PLCL1: variants seen among roughly 807,000 people sequenced by gnomAD.
The protein encoded by PLCL1 is inactive phospholipase C-like protein 1.
Under a neutral mutation model 84.4 loss-of-function variants are expected in PLCL1, and 41 were observed. That is an observed-to-expected ratio of 0.49 (90% CI 0.38 to 0.63). The LOEUF (loss-of-function observed/expected upper bound fraction) is 0.63. Ranked by LOEUF, PLCL1 falls within the 30% of genes least tolerant of loss-of-function variation. PLCL1 has a pLI of 0.00. For missense variants in PLCL1, 1,206 were observed against 1,367.8 expected (o/e 0.88, Z 1.87); for synonymous variants, 490 against 488.3 (o/e 1.00, Z -0.05).
At chr2:197,908,338 T>C (rs1445743512) in intron 1 of PLCL1, among the ~76,000 whole-genome samples, 2 of 152,240 alleles carry the variant, frequency 1.3e-5, no homozygotes, top group Non-Finnish European at 2.9e-5. Context: ...AACTTTCGCT[T>C]ACATATTTCT....
intron 1 of PLCL1, among the ~76,000 whole-genome samples, chr2:197,847,411 A>G (rs984152468): frequency 6.6e-6 from 1 of 152,162 alleles, no homozygotes; most frequent in Non-Finnish European, 1.5e-5. Flanking sequence ...TCTTTCATAC[A>G]ATAGATGTTT....
At chr2:197,811,277 T>C (rs1387524435) in intron 1 of PLCL1, among the ~76,000 whole-genome samples, 1 of 152,270 alleles carries the variant, frequency 6.6e-6, no homozygotes, top group Admixed American at 6.5e-5. Flanking sequence ...AAATGTATTG[T>C]GTATTTCAGC....
intron 1 of PLCL1, among the ~76,000 whole-genome samples, chr2:197,942,692 A>G (rs971590528): frequency 3.9e-5 from 6 of 152,206 alleles, no homozygotes; most frequent in African/African-American, 1.2e-4. Flanking sequence ...GTGCCCCAGT[A>G]AAGATTCTGG....
chr2:198,070,094 C>A (rs983145607), intron 1 of PLCL1, among the ~76,000 whole-genome samples: 4 of 152,030 alleles, frequency 2.6e-5, no homozygotes, highest in South Asian at 2.1e-4. Context: ...GCTTTTAAGG[C>A]TACATTCTAT....
chr2:197,876,305 G>C (rs927064976), intron 1 of PLCL1, among the ~76,000 whole-genome samples: 1 of 152,120 alleles, frequency 6.6e-6, no homozygotes, highest in East Asian at 1.9e-4. Context: ...GGCTGGTAAC[G>C]AGCTTCTTAG....
rs761160580 is a variant in PLCL1, at chr2:198,084,558, T to G, written c.1041T>G (p.His347Gln). 3 of 1,613,878 alleles carry G rather than the reference T, an allele frequency of 1.9e-6. No homozygotes were observed. The highest frequency in any genetic ancestry group is 2.5e-6 in the Non-Finnish European group (3 of 1,179,780). ...LFLEAEQGVT[H>Q]ITEDICLDII... ...TAGAAGCTGAGCAAGGAGTCACCCATATCACCGAGGATATATGCTTAGACA... is the reference window on the plus strand; with the variant it reads ...TAGAAGCTGAGCAAGGAGTCACCCAGATCACCGAGGATATATGCTTAGACA... Residue 347 changes from histidine (H) to glutamine (Q), a missense_variant, in exon 2 of 6, where the codon CAT becomes CAG. Coordinates refer to ENST00000428675, the MANE Select transcript of PLCL1 (RefSeq NM_006226.4).
intron 5 of PLCL1, among the ~76,000 whole-genome samples, chr2:198,127,742 G>A (rs1188506310): frequency 1.3e-5 from 2 of 152,122 alleles, no homozygotes; most frequent in African/African-American, 4.8e-5. Context: ...TGGAAGCAGA[G>A]GAATAAACCA....
At chr2:197,829,196 A>C (rs1366868428) in intron 1 of PLCL1, among the ~76,000 whole-genome samples, 1 of 152,184 alleles carries the variant, frequency 6.6e-6, no homozygotes, top group Non-Finnish European at 1.5e-5. Flanking sequence ...CCCTAGCTGT[A>C]TGTGATTGGG....
At chr2:198,127,014 GGGGT>G (rs1366119857) in intron 5 of PLCL1, among the ~76,000 whole-genome samples, 52 of 70,206 alleles carry the variant, frequency 7.4e-4, no homozygotes, top group African/African-American at 1.3e-3. Flanking sequence ...GTGTGTGTGG[GGGGT>G]GGTGTATTCT....
intron 1 of PLCL1, among the ~76,000 whole-genome samples, chr2:197,892,655 A>G (rs1688053130): frequency 6.6e-6 from 1 of 152,196 alleles, no homozygotes; most frequent in Admixed American, 6.5e-5. Flanking sequence ...TACCTTTCAC[A>G]TATCTAATGA....
intron 1 of PLCL1, among the ~76,000 whole-genome samples, chr2:198,010,618 T>C (rs900543051): frequency 6.6e-6 from 1 of 151,982 alleles, no homozygotes; most frequent in Non-Finnish European, 1.5e-5. Flanking sequence ...ACAGTTTTTT[T>C]TGTGTGTCTT....
At chr2:197,857,507 C>T (rs1687353265) in intron 1 of PLCL1, among the ~76,000 whole-genome samples, 1 of 152,156 alleles carries the variant, frequency 6.6e-6, no homozygotes, top group South Asian at 2.1e-4. Context: ...AAATAATCAG[C>T]TGATTGTATC....
intron 1 of PLCL1, among the ~76,000 whole-genome samples, chr2:197,939,423 G>T (rs761999738): frequency 1.3e-5 from 2 of 152,220 alleles, no homozygotes; most frequent in Non-Finnish European, 2.9e-5. Context: ...CACAGTCTGG[G>T]TGACTTAAAC....
At chr2:197,948,744 A>G (rs767842482) in intron 1 of PLCL1, among the ~76,000 whole-genome samples, 4 of 152,192 alleles carry the variant, frequency 2.6e-5, no homozygotes, top group Non-Finnish European at 4.4e-5. Flanking sequence ...TGTATAGGGA[A>G]CATCAAATAT....
rs760577848 is a variant in PLCL1 at position 197,983,200 on chromosome 2, C to CTTTTT, written c.241-100523_241-100519dup. On this transcript the variant is annotated intron_variant, in intron 1 of 5. Transcript: ENST00000428675. ...TTTCTTTTTCTTTTTCTTTTCTTTT[C>CTTTTT]TTTTTTTTTTTTTTTTTTTTTTTTT... is the stretch of plus-strand genomic sequence containing the variant. Among the ~76,000 whole-genome samples the CTTTTT allele has an allele frequency of 1.4e-3, 82 of 60,270 alleles. 6 individuals are homozygous for CTTTTT. The highest frequency in any genetic ancestry group is 2.1e-3 in the East Asian group (4 of 1,876). The allele number at this position is 60,270 out of a possible 152,430, so 39.5% of individuals were successfully genotyped here.
rs550895040 is a variant in PLCL1, at chr2:197,973,813, AG to A, written c.241-109944del. 2.6e-5 allele frequency among the ~76,000 whole-genome samples: 4 copies of A among 152,356 alleles called. No homozygotes were observed. In the East Asian group the frequency reaches 7.7e-4, roughly 29 times the overall value. On this transcript the variant is annotated intron_variant, in intron 1 of 5. Coordinates refer to ENST00000428675, the MANE Select transcript of PLCL1 (RefSeq NM_006226.4). ...GGGGAAAAATTTGGATTTTATTGTA[AG>A]AGCAGTTAACCATTAGAGGGTTTAA...
At chr2:197,929,127 CCAGT>C (rs2105763610) in intron 1 of PLCL1, among the ~76,000 whole-genome samples, 1 of 152,204 alleles carries the variant, frequency 6.6e-6, no homozygotes, top group African/African-American at 2.4e-5. Context: ...AGTTTCCAGG[CCAGT>C]CATTTTCTAG....
chr2:198,091,991 C>A (rs867700837), intron 3 of PLCL1, among the ~76,000 whole-genome samples: 1 of 151,600 alleles, frequency 6.6e-6, no homozygotes, highest in Admixed American at 6.6e-5. Flanking sequence ...CCCAACCTCA[C>A]CTGCCTCTCC....
chr2:198,005,127 A>G (rs1690699451), intron 1 of PLCL1, among the ~76,000 whole-genome samples: 1 of 152,140 alleles, frequency 6.6e-6, no homozygotes, highest in Non-Finnish European at 1.5e-5. Context: ...CCTTCCTTCC[A>G]CCCTCGCTCC....
Sources: gnomAD v4.1 joint callset for allele counts (sites outside exome capture counted in the v4.1 genomes callset) on GRCh38, gnomAD v4.1.1 for gene constraint, MANE v1.5 for transcripts, NCBI Gene and HGNC (gene_info 2026-07-23, HGNC 2026-07-21) for gene names.